The following COBL variants were observed in gnomAD, a reference collection of about 807,000 sequenced individuals.
COBL encodes the protein cordon-bleu WH2 repeat protein.
In COBL, 51 loss-of-function variants were observed where a neutral mutation model predicts 98.8. That is an observed-to-expected ratio of 0.52 (90% confidence interval 0.41 to 0.65). The LOEUF is 0.65. COBL is among the 30% of genes least tolerant of loss of function. The probability of loss-of-function intolerance (pLI) is 0.00; values close to 1 mark genes in which losing one functional copy is unlikely to be tolerated. For synonymous variants in COBL, 634 were observed against 651.7 expected, an observed-to-expected ratio of 0.97 and a Z score of 0.41; for missense variants, 1,617 against 1,617.5, an observed-to-expected ratio of 1.00 and a Z score of 0.01.
chr7:51,036,919 A>G (rs1788703427), intron 8 of COBL, among the ~76,000 whole-genome samples: 1 of 152,188 alleles, frequency 6.6e-6, no homozygotes, highest in Admixed American at 6.5e-5. Context: ...TTTTCACAAT[A>G]ATTATACACA....
chr7:51,254,836 A>AT (rs1163700917), intron 1 of COBL, among the ~76,000 whole-genome samples: 4 of 152,288 alleles, frequency 2.6e-5, no homozygotes, highest in Admixed American at 6.5e-5. Flanking sequence ...TTTGTGTTAC[A>AT]TTTTCTCGTG....
At chr7:51,068,020 G>A (rs537408362) in intron 7 of COBL, among the ~76,000 whole-genome samples, 10 of 152,282 alleles carry the variant, frequency 6.6e-5, no homozygotes, top group Admixed American at 2.0e-4. Context: ...GGTGCCTGCC[G>A]CTGCCTAGCC....
intron 6 of COBL, among the ~76,000 whole-genome samples, chr7:51,119,286 C>A (rs1797545558): frequency 6.6e-6 from 1 of 152,038 alleles, no homozygotes; most frequent in South Asian, 2.1e-4. Flanking sequence ...TATATGGCGA[C>A]ACATTTTCTA....
chr7:51,117,295 T>A (rs915864116), intron 6 of COBL, among the ~76,000 whole-genome samples: 1 of 151,864 alleles, frequency 6.6e-6, no homozygotes, highest in African/African-American at 2.4e-5. Flanking sequence ...TTCAAATATT[T>A]TTTTCTCTTC....
intron 11 of COBL, 127 bp downstream of exon 11, chr7:51,026,419 C>T (rs1360500139): frequency 6.0e-6 from 8 of 1,326,954 alleles, no homozygotes; most frequent in Non-Finnish European, 1.0e-6. Flanking sequence ...GATGGCCACT[C>T]TAAAGACAGA....
chr7:51,293,474 C>T (rs1433385316), intron 1 of COBL, among the ~76,000 whole-genome samples: 1 of 152,048 alleles, frequency 6.6e-6, no homozygotes, highest in East Asian at 1.9e-4. Context: ...AAAAATTTGA[C>T]AAAAAGATGC....
intron 12 of COBL, chr7:51,018,289 ATGGTGG>A (rs1319443835): frequency 7.9e-6 from 1 of 127,192 alleles, no homozygotes; most frequent in African/African-American, 2.6e-5. Flanking sequence ...GGTGATGGTG[ATGGTGG>A]TGGTGATGCA....
chr7:51,137,326 T>C (rs1216298960), intron 5 of COBL, among the ~76,000 whole-genome samples: 1 of 152,208 alleles, frequency 6.6e-6, no homozygotes, highest in African/African-American at 2.4e-5. Context: ...AAATTTTTAA[T>C]TTCTCCCTAC....
intron 7 of COBL, among the ~76,000 whole-genome samples, chr7:51,065,880 G>A (rs943217204): frequency 3.3e-5 from 5 of 152,192 alleles, no homozygotes; most frequent in Non-Finnish European, 7.3e-5. Flanking sequence ...GTCCTTATAA[G>A]AGAATGTTAG....
chr7:51,239,839 T>C (rs368847723), intron 1 of COBL, among the ~76,000 whole-genome samples: 9 of 152,330 alleles, frequency 5.9e-5, no homozygotes, highest in Middle Eastern at 3.4e-3. Flanking sequence ...CGTTGTTTTA[T>C]TGATTGTCTA....
chr7:51,041,326 T>G (rs1789169531), intron 8 of COBL, among the ~76,000 whole-genome samples: 1 of 152,180 alleles, frequency 6.6e-6, no homozygotes. Flanking sequence ...AAAGTATTAT[T>G]GATAAGACAA....
At chr7:51,108,946 ACACACACACACC>A (rs1300281399) in intron 6 of COBL, among the ~76,000 whole-genome samples, 65 of 51,304 alleles carry the variant, frequency 1.3e-3, no homozygotes, top group East Asian at 0.012. Context: ...ACACACACAC[ACACACACACACC>A]CCCTGCCCCA....
At chr7:51,116,993 TTACATATG>T (rs1797324647) in intron 6 of COBL, among the ~76,000 whole-genome samples, 1 of 152,118 alleles carries the variant, frequency 6.6e-6, no homozygotes, top group African/African-American at 2.4e-5. Flanking sequence ...TGCAGGTTTG[TTACATATG>T]TACACATGTG....
intron 1 of COBL, among the ~76,000 whole-genome samples, chr7:51,285,714 G>C (rs1800294715): frequency 6.6e-6 from 1 of 152,170 alleles, no homozygotes; most frequent in East Asian, 1.9e-4. Flanking sequence ...TCTCAGCATG[G>C]CTGTTTTTGT....
chr7:51,019,207 T>C (rs1276597842), intron 12 of COBL, among the ~76,000 whole-genome samples: 1 of 150,976 alleles, frequency 6.6e-6, no homozygotes, highest in Non-Finnish European at 1.5e-5. Flanking sequence ...TCCAAGATGG[T>C]GGTATTAGGA....
At chr7:51,312,246 G>A (rs552115394) in intron 1 of COBL, among the ~76,000 whole-genome samples, 4 of 152,160 alleles carry the variant, frequency 2.6e-5, no homozygotes, top group East Asian at 3.9e-4. Context: ...CAGGAGAATC[G>A]CTTGAACCGA....
intron 1 of COBL, among the ~76,000 whole-genome samples, chr7:51,247,955 T>C (rs1379845242): frequency 6.6e-6 from 1 of 151,942 alleles, no homozygotes; most frequent in African/African-American, 2.4e-5. Flanking sequence ...CTGGCCAACA[T>C]GGTGAAACCC....
At chr7:51,219,688 C>G in intron 2 of COBL, 53 bp downstream of exon 2, 1 of 1,570,000 alleles carries the variant, frequency 6.4e-7, no homozygotes, top group Non-Finnish European at 8.7e-7. Context: ...CCATTCTCCC[C>G]GCTATACTCG....
intron 5 of COBL, chr7:51,156,468 AT>A (rs918284205): frequency 2.4e-5 from 24 of 985,062 alleles, no homozygotes; most frequent in Non-Finnish European, 2.8e-5. Flanking sequence ...ATCACCCAGA[AT>A]TATTCAGTTT....
Sources: gnomAD v4.1 joint callset for allele counts (sites outside exome capture counted in the v4.1 genomes callset) on GRCh38, gnomAD v4.1.1 for gene constraint, MANE v1.5 for transcripts, NCBI Gene and HGNC (gene_info 2026-07-23, HGNC 2026-07-21) for gene names.